Variants in RPLP1 observed in about 807,000 individuals in gnomAD.
RPLP1 encodes the protein ribosomal protein lateral stalk subunit P1, also known as large ribosomal subunit protein P1.
Under a neutral mutation model 11.6 loss-of-function variants are expected in RPLP1, and 4 were observed. The ratio of observed to expected loss-of-function variants is 0.34; its 90% CI spans 0.17 to 0.79. The LOEUF (loss-of-function observed/expected upper bound fraction) is 0.79. Among genes scored for constraint, RPLP1 ranks in the 30% least tolerant of loss-of-function variants. RPLP1 has a pLI of 0.55. For synonymous variants in RPLP1, 54 were observed against 52.2 expected (o/e 1.03, Z -0.15); for missense variants, 133 against 142.8 (o/e 0.93, Z 0.35).
rs1367224072 is a variant in RPLP1, at chr15:69,455,242, G to T, written c.220G>T (p.Ala74Ser). ...CGGTGGACCTGCTCCAGCAGCTGGT[G>T]CTGCACCAGCAGGAGGTCCTGCCCC... ...GAGGPAPAAGAAPAGGPAPST... is the reference protein window; with the variant it reads ...GAGGPAPAAGSAPAGGPAPST... Residue 74 changes from alanine (A) to serine (S), a missense_variant, in exon 3 of 4, where the codon GCT becomes TCT. Transcript: ENST00000260379. 6.2e-7 allele frequency: 1 copy of T among 1,603,326 alleles called. No individual in the cohort carries two copies. The highest frequency in any genetic ancestry group is 1.3e-5 in the African/African-American group (1 of 74,444).
chr15:69,453,208 G>A (rs1163392520), intron 1 of RPLP1, 188 bp downstream of exon 1: 4 of 611,094 alleles, frequency 6.5e-6, no homozygotes, highest in South Asian at 3.9e-5. Context: ...GGGCCCCCGG[G>A]ACCACGTGCG....
At chr15:69,453,198 G>T (rs370151983) in intron 1 of RPLP1, 178 bp downstream of exon 1, 10 of 628,418 alleles carry the variant, frequency 1.6e-5, no homozygotes, top group East Asian at 1.4e-4. Flanking sequence ...GGCAGGTCCT[G>T]GGCCCCCGGG....
intron 1 of RPLP1, 168 bp from the exon 2 acceptor site, chr15:69,453,479 A>G (rs1298882790): frequency 2.9e-6 from 2 of 697,690 alleles, no homozygotes; most frequent in Non-Finnish European, 4.9e-6. Context: ...GTGAAACAGC[A>G]GTGATGGGCT....
In RPLP1 at chr15:69,455,546, A is replaced by G. The variant is rs1326047288; in HGVS notation, c.*39A>G. On this transcript the variant is annotated 3_prime_UTR_variant, in exon 4 of 4. Transcript: ENST00000260379. ...CATGTTCAATAAAAAGCTGAACTTT[A>G]CTGCTGTTGGTCTTGTCCATAGTTT... The G allele has an allele frequency of 6.9e-7, 1 of 1,455,680 alleles. No homozygotes were observed. Among genetic ancestry groups the G allele is most frequent in the Admixed American group, 1.8e-5 (1 of 54,748 alleles). 90.2% of individuals were successfully genotyped at this position (1,455,680 alleles called of 1,614,324 possible).
At chr15:69,453,168 G>C in intron 1 of RPLP1, 148 bp downstream of exon 1, 1 of 724,456 alleles carries the variant, frequency 1.4e-6, no homozygotes, top group South Asian at 1.7e-5. Flanking sequence ...GGCGCTCCTC[G>C]GGGCTGGGGC....
At chr15:69,453,910 C>T (rs1305142385) in intron 2 of RPLP1, 189 bp downstream of exon 2, 2 of 598,330 alleles carry the variant, frequency 3.3e-6, no homozygotes, top group Admixed American at 3.1e-5. Flanking sequence ...GTTTCCTTAT[C>T]AGACTCTGGT....
chr15:69,453,571 T>A, intron 1 of RPLP1, 76 bp from the exon 2 acceptor site: 1 of 1,458,590 alleles, frequency 6.9e-7, no homozygotes, highest in Non-Finnish European at 9.6e-7. Flanking sequence ...TATGTACACT[T>A]ATTGAGTGAC....
In RPLP1 at chr15:69,455,590, A is replaced by G; in HGVS notation, c.*83A>G. The G allele has an allele frequency of 9.4e-7, 1 of 1,067,142 alleles. No individual in the cohort carries two copies. The highest frequency in any genetic ancestry group is 2.5e-5 in the East Asian group (1 of 39,730). 66.1% of individuals were successfully genotyped at this position (1,067,142 alleles called of 1,614,324 possible). The stretch of plus-strand genomic sequence containing the variant: ...ATAGTTTTGGAATGTGCTCTGCAAA[A>G]ATGGTCTGTTTTGTAATGTTGGCTT... On this transcript the variant is annotated 3_prime_UTR_variant, in exon 4 of 4. Transcript: ENST00000260379.
At chr15:69,453,900 G>C (rs748007130) in intron 2 of RPLP1, 179 bp downstream of exon 2, 2 of 612,078 alleles carry the variant, frequency 3.3e-6, no homozygotes, top group Non-Finnish European at 2.9e-6. Flanking sequence ...CAAGTCTTAC[G>C]TTTCCTTATC....
At position 69,455,908 on chromosome 15, in the gene RPLP1, A is replaced by G. The variant is rs1209188901; in HGVS notation, c.*401A>G. On this transcript the variant is annotated 3_prime_UTR_variant, in exon 4 of 4. Transcript: ENST00000260379. The stretch of plus-strand genomic sequence containing the variant: ...CCTGCCTAAGAACGAACTTTGACGT[A>G]TGCTGAATGTTGACTGCTACATCCC... 2.4e-5 allele frequency: 4 copies of G among 163,438 alleles called. No homozygotes were observed. The highest frequency in any genetic ancestry group is 9.6e-5 in the African/African-American group (4 of 41,798). 10.1% of individuals were successfully genotyped at this position (163,438 alleles called of 1,614,324 possible). A position where few individuals can be genotyped will look rare whatever the true frequency, so the allele number is the denominator to read the frequency against.
intron 3 of RPLP1, 48 bp downstream of exon 3, chr15:69,455,335 T>G: frequency 6.5e-7 from 1 of 1,539,228 alleles, no homozygotes; most frequent in Admixed American, 2.2e-5. Flanking sequence ...AGAGATTTTT[T>G]AAAAAATAGT....
At chr15:69,453,178 C>A in intron 1 of RPLP1, 158 bp downstream of exon 1, 2 of 695,350 alleles carry the variant, frequency 2.9e-6, no homozygotes, top group Non-Finnish European at 4.8e-6. Context: ...GGGGCTGGGG[C>A]CTCTCTCCGG....
chr15:69,455,093 A>G (rs2140436368), intron 2 of RPLP1, 77 bp from the exon 3 acceptor site: 2 of 1,498,448 alleles, frequency 1.3e-6, no homozygotes, highest in East Asian at 2.4e-5. Context: ...AATGGGGGAT[A>G]CTTTTCGTTT....
At chr15:69,453,820 A>G (rs1267460205) in intron 2 of RPLP1, 99 bp downstream of exon 2, 2 of 1,168,264 alleles carry the variant, frequency 1.7e-6, no homozygotes, top group African/African-American at 3.0e-5. Context: ...AACGCCCCAC[A>G]TGCCGCTGGA....
Position 69,452,982 on chromosome 15 carries a change from T to C in RPLP1, c.34T>C (p.Ser12Pro). The change falls in exon 1 of 4, where the codon TCG becomes CCG. Residue 12 changes from serine to proline, a missense_variant. Transcript: ENST00000260379. ...ASVSELACIY[S>P]ALILHDDEVT... The stretch of plus-strand genomic sequence containing the variant: ...TGTCTCCGAGCTCGCCTGCATCTAC[T>C]CGGCCCTCATTCTGCACGACGATGA... 1 of 1,578,612 alleles carries C rather than the reference T, an allele frequency of 6.3e-7. No homozygotes were observed. Among genetic ancestry groups the C allele is most frequent in the South Asian group, 1.2e-5 (1 of 86,216 alleles).
At chr15:69,453,234 G>C (rs1892378389) in intron 1 of RPLP1, 7 of 594,106 alleles carry the variant, frequency 1.2e-5, no homozygotes, top group Non-Finnish European at 1.8e-5. Flanking sequence ...AGCGGGCATG[G>C]AGTGCGCTTG....
Position 69,455,550 on chromosome 15 carries a change from C to A in RPLP1, c.*43C>A. The A allele has an allele frequency of 7.0e-7, 1 of 1,421,316 alleles. No individual in the cohort carries two copies. The highest frequency in any genetic ancestry group is 9.7e-7 in the Non-Finnish European group (1 of 1,032,456). The allele number at this position is 1,421,316 out of a possible 1,614,324, so 88.0% of individuals were successfully genotyped here. On this transcript the variant is annotated 3_prime_UTR_variant, in exon 4 of 4. Transcript: ENST00000260379. ...TTCAATAAAAAGCTGAACTTTACTGCTGTTGGTCTTGTCCATAGTTTTGGA... is the reference window on the plus strand; with the variant it reads ...TTCAATAAAAAGCTGAACTTTACTGATGTTGGTCTTGTCCATAGTTTTGGA...
intron 1 of RPLP1, 50 bp from the exon 2 acceptor site, chr15:69,453,597 G>C: frequency 6.3e-7 from 1 of 1,577,870 alleles, no homozygotes. Context: ...GCATTTTGGA[G>C]ATATTACATA....
chr15:69,453,490 C>T (rs1362309302), intron 1 of RPLP1, 157 bp from the exon 2 acceptor site: 3 of 747,362 alleles, frequency 4.0e-6, no homozygotes, highest in Admixed American at 2.4e-5. Context: ...GTGATGGGCT[C>T]GCCTCATTGC....
Sources: gnomAD v4.1 joint callset for allele counts on GRCh38, gnomAD v4.1.1 for gene constraint, MANE v1.5 for transcripts, NCBI Gene and HGNC (gene_info 2026-07-23, HGNC 2026-07-21) for gene names.